DIP2C: variants seen among roughly 807,000 people sequenced by gnomAD.
The protein encoded by DIP2C is DIP2 acetate--CoA ligase C (putative), also known as disco-interacting protein 2 homolog C.
A neutral mutation model predicts 192.4 loss-of-function variants in DIP2C; 33 were observed. The observed-to-expected ratio is 0.17, with a 90% CI of 0.13 to 0.23. The LOEUF (loss-of-function observed/expected upper bound fraction) is 0.23. Among genes scored for constraint, DIP2C ranks in the 10% least tolerant of loss-of-function variants. DIP2C has a pLI of 1.00. For missense variants in DIP2C, 1,537 were observed against 2,110.1 expected, an observed-to-expected ratio of 0.73 and a Z score of 5.32; for synonymous variants, 979 against 864.1, an observed-to-expected ratio of 1.13 and a Z score of -2.33.
At chr10:326,687 C>T (rs1226466507) in intron 31 of DIP2C, among the ~76,000 whole-genome samples, 1 of 152,228 alleles carries the variant, frequency 6.6e-6, no homozygotes, top group Non-Finnish European at 1.5e-5. Flanking sequence ...CTTCGAGGGA[C>T]TGGTTTCTTC....
intron 29 of DIP2C, among the ~76,000 whole-genome samples, chr10:336,895 G>GGTGTGTGTGTGTGTGTGTGTGT (rs112539860): frequency 2.2e-5 from 2 of 91,724 alleles, no homozygotes; most frequent in African/African-American, 6.7e-5. Context: ...GGCCTAGGCA[G>GGTGTGTGTGTGTGTGTGTGTGT]GTGTGTGTGT....
intron 1 of DIP2C, among the ~76,000 whole-genome samples, chr10:637,976 T>C (rs1474890879): frequency 6.6e-6 from 1 of 152,208 alleles, no homozygotes; most frequent in Non-Finnish European, 1.5e-5. Flanking sequence ...CCAAGACTCC[T>C]GCCCAAGGCC....
intron 24 of DIP2C, among the ~76,000 whole-genome samples, chr10:354,599 C>A (rs950426393): frequency 2.6e-5 from 4 of 152,132 alleles, no homozygotes; most frequent in African/African-American, 9.7e-5. Flanking sequence ...CTTGTGCAAC[C>A]CCCACACATG....
At chr10:634,229 C>T (rs1854697378) in intron 1 of DIP2C, among the ~76,000 whole-genome samples, 1 of 152,238 alleles carries the variant, frequency 6.6e-6, no homozygotes, top group Admixed American at 6.5e-5. Flanking sequence ...ACTGAGGCTC[C>T]ACACAGATGG....
At chr10:551,448 C>T (rs762284016) in intron 1 of DIP2C, among the ~76,000 whole-genome samples, 1 of 152,208 alleles carries the variant, frequency 6.6e-6, no homozygotes, top group African/African-American at 2.4e-5. Context: ...CTTCTCCTGG[C>T]CCCCGAGGCC....
intron 1 of DIP2C, among the ~76,000 whole-genome samples, chr10:595,699 C>T (rs1272861269): frequency 2.0e-5 from 3 of 152,182 alleles, no homozygotes; most frequent in Non-Finnish European, 2.9e-5. Context: ...CCGCAGGACC[C>T]GCGCCCACCC....
At chr10:504,754 G>A (rs1017909009) in intron 1 of DIP2C, among the ~76,000 whole-genome samples, 16 of 152,218 alleles carry the variant, frequency 1.1e-4, no homozygotes, top group Admixed American at 9.2e-4. Context: ...AGTAGCAGGT[G>A]GCCGCTAACC....
intron 1 of DIP2C, among the ~76,000 whole-genome samples, chr10:559,858 G>A (rs776281070): frequency 2.6e-5 from 4 of 152,312 alleles, no homozygotes; most frequent in African/African-American, 9.6e-5. Flanking sequence ...CAGCCACACC[G>A]GGTGAGACAT....
At chr10:611,722 C>T (rs1179433824) in intron 1 of DIP2C, among the ~76,000 whole-genome samples, 2 of 152,204 alleles carry the variant, frequency 1.3e-5, no homozygotes, top group East Asian at 1.9e-4. Context: ...AAGGCACACA[C>T]GTAGGAAAGC....
In DIP2C at chr10:344,865, T is replaced by C. The variant is rs754654894; in HGVS notation, c.3397A>G (p.Thr1133Ala). The change falls in exon 28 of 37, where the codon ACT becomes GCT. Residue 1133 changes from threonine to alanine, a missense_variant. Coordinates refer to ENST00000280886, the MANE Select transcript of DIP2C (RefSeq NM_014974.3). The part of the protein sequence containing the change: ...AQICKPCNPD[T>A]LAYLDFSVST... ...ACGCTGAAGTCGAGATATGCAAGAG[T>C]GTCTGGGTTGCAAGGTTTGCAGATC... The C allele has an allele frequency of 7.0e-5, 113 of 1,606,334 alleles. No individual in the cohort carries two copies. Among genetic ancestry groups the C allele is most frequent in the Admixed American group, 6.8e-5 (4 of 58,916 alleles).
intron 1 of DIP2C, among the ~76,000 whole-genome samples, chr10:557,149 G>A (rs1848922290): frequency 6.6e-6 from 1 of 152,214 alleles, no homozygotes; most frequent in Admixed American, 6.5e-5. Context: ...TGTCTCTGCA[G>A]AAAGGAGCAG....
intron 26 of DIP2C, among the ~76,000 whole-genome samples, chr10:347,772 A>G (rs1958574228): frequency 1.4e-5 from 2 of 138,184 alleles, no homozygotes; most frequent in African/African-American, 5.5e-5. Flanking sequence ...CAACCCAGAC[A>G]CATCGCGCAT....
intron 1 of DIP2C, among the ~76,000 whole-genome samples, chr10:595,488 T>G (rs532319172): frequency 1.8e-4 from 27 of 152,326 alleles, no homozygotes; most frequent in African/African-American, 6.5e-4. Flanking sequence ...GCACTAACTC[T>G]TCTCACTCAG....
intron 28 of DIP2C, among the ~76,000 whole-genome samples, chr10:344,363 G>A (rs1277356985): frequency 7.5e-6 from 1 of 132,862 alleles, no homozygotes; most frequent in Non-Finnish European, 1.5e-5. Context: ...CGGCACACAA[G>A]GCTGCGAAGT....
At chr10:301,376 T>A (rs1246822901) in intron 32 of DIP2C, among the ~76,000 whole-genome samples, 1 of 152,170 alleles carries the variant, frequency 6.6e-6, no homozygotes, top group Non-Finnish European at 1.5e-5. Context: ...CCAAGGGCCT[T>A]AAGCAGACGG....
chr10:329,677 A>G, intron 29 of DIP2C, 76 bp from the exon 30 acceptor site: 1 of 1,508,164 alleles, frequency 6.6e-7, no homozygotes, highest in Non-Finnish European at 8.9e-7. Flanking sequence ...GGCTCAGGGC[A>G]GCACTGACTC....
chr10:567,369 C>T (rs1019901439), intron 1 of DIP2C, among the ~76,000 whole-genome samples: 7 of 151,974 alleles, frequency 4.6e-5, no homozygotes, highest in African/African-American at 1.7e-4. Flanking sequence ...TTTTTTTATT[C>T]TTAGTAGAGA....
intron 8 of DIP2C, among the ~76,000 whole-genome samples, chr10:412,085 C>A (rs542705195): frequency 6.6e-6 from 1 of 152,330 alleles, no homozygotes; most frequent in South Asian, 2.1e-4. Context: ...CTGTGTCTTA[C>A]GTCTCCCATT....
At position 509,618 on chromosome 10, in the gene DIP2C, G is replaced by A. The variant is rs184242466; in HGVS notation, c.86-23088C>T. Among the ~76,000 whole-genome samples the A allele has an allele frequency of 1.2e-3, 178 of 152,310 alleles. 1 individual carries two copies. Among genetic ancestry groups the A allele is most frequent in the South Asian group, 8.7e-3 (42 of 4,820 alleles). On this transcript the variant is annotated intron_variant, in intron 1 of 36. Coordinates refer to ENST00000280886, the MANE Select transcript of DIP2C (RefSeq NM_014974.3). ...GACCTCACTCTGCGCCAGGAGATCC[G>A]GGTGGTAGGCAGTGTTTTGGAGGGT... is the stretch of plus-strand genomic sequence containing the variant.
Sources: gnomAD v4.1 joint callset for allele counts (sites outside exome capture counted in the v4.1 genomes callset) on GRCh38, gnomAD v4.1.1 for gene constraint, MANE v1.5 for transcripts, NCBI Gene and HGNC (gene_info 2026-07-23, HGNC 2026-07-21) for gene names.